The following RIN3 variants were observed in gnomAD, a reference collection of about 807,000 sequenced individuals.
RIN3 encodes the protein RAB5 interacting protein 3.
RIN3 carries 54 observed loss-of-function variants against 76.3 expected under a neutral mutation model. The ratio of observed to expected loss-of-function variants is 0.71; its 90% CI spans 0.57 to 0.89. RIN3 has a LOEUF of 0.89. Ranked by LOEUF, RIN3 falls within the 40% of genes least tolerant of loss-of-function variation. The pLI is 0.00. For missense variants in RIN3, 1,256 were observed against 1,322.1 expected (o/e 0.95, Z 0.78); for synonymous variants, 576 against 564.0 (o/e 1.02, Z -0.30).
chr14:92,674,139 C>T (rs1300805151), intron 7 of RIN3, among the ~76,000 whole-genome samples: 2 of 152,212 alleles, frequency 1.3e-5, no homozygotes, highest in African/African-American at 4.8e-5. Context: ...TCCTCGGGCA[C>T]CTCGTTCTCC....
Position 92,577,266 on chromosome 14 carries a change from G to GT in RIN3, c.250-94_250-93insT. 7 of 798,008 alleles carry GT rather than the reference G, an allele frequency of 8.8e-6. No homozygotes were observed. The Admixed American group carries it at 9.8e-5, about 11-fold the overall frequency. The allele number at this position is 798,008 out of a possible 1,614,324, so 49.4% of individuals were successfully genotyped here. A position where few individuals can be genotyped will look rare whatever the true frequency, so the allele number is the denominator to read the frequency against. On this transcript the variant is annotated intron_variant, in intron 2 of 9. Transcript: ENST00000216487. ...CTCCCTAGCCTGCCTCATCATTTCA[G>GT]GAACCTTCCAGATGACTTCCATCTC...
In RIN3 at chr14:92,568,285, G is replaced by A. The variant is rs1288214303; in HGVS notation, c.250-9075G>A. Among the ~76,000 whole-genome samples the A allele has an allele frequency of 2.0e-5, 3 of 152,190 alleles. No individual in the cohort carries two copies. Among genetic ancestry groups the A allele is most frequent in the Non-Finnish European group, 2.9e-5 (2 of 68,026 alleles). ...CCATCATGGGCAACATCCCCTTGGAGTATGACCTGGGGACACTCGATCAGC... is the reference window on the plus strand; with the variant it reads ...CCATCATGGGCAACATCCCCTTGGAATATGACCTGGGGACACTCGATCAGC... On this transcript the variant is annotated intron_variant, in intron 2 of 9. Transcript: ENST00000216487. The surrounding 1 kb of genome is among the most constrained non-coding windows in gnomAD (Gnocchi z 4.2).
Position 92,664,348 on chromosome 14 carries a change from T to TTTTC in RIN3, c.2335+4895_2335+4898dup, listed in dbSNP as rs1167000441. 2.9e-3 allele frequency among the ~76,000 whole-genome samples: 401 copies of TTTTC among 140,666 alleles called. 2 individuals carry two copies. Among genetic ancestry groups the TTTTC allele is most frequent in the Middle Eastern group, 0.011 (3 of 266 alleles). The allele number at this position is 140,666 out of a possible 152,430, so 92.3% of individuals were successfully genotyped here. A position where few individuals can be genotyped will look rare whatever the true frequency, so the allele number is the denominator to read the frequency against. On this transcript the variant is annotated intron_variant, in intron 7 of 9. Transcript: ENST00000216487. ...ACATTCAACCCCCTCCGCTTCATCA[T>TTTTC]TTTCTTTCTTTCTTTCTTTTTTTTT...
chr14:92,560,833 A>G (rs1278042504), intron 2 of RIN3, among the ~76,000 whole-genome samples: 2 of 151,372 alleles, frequency 1.3e-5, no homozygotes. Context: ...AGCCTGGTCA[A>G]CATGATGAAA....
At chr14:92,554,609 A>G (rs971634620) in intron 1 of RIN3, among the ~76,000 whole-genome samples, 5 of 152,226 alleles carry the variant, frequency 3.3e-5, no homozygotes, top group Non-Finnish European at 7.3e-5. Flanking sequence ...ATAATATTTT[A>G]TTTAACCTGA....
intron 4 of RIN3, 122 bp downstream of exon 4, chr14:92,615,601 A>G: frequency 3.6e-6 from 3 of 822,068 alleles, no homozygotes; most frequent in Non-Finnish European, 6.3e-6. Flanking sequence ...CAGAGGATGC[A>G]GAGAGAGGGC....
intron 7 of RIN3, among the ~76,000 whole-genome samples, chr14:92,672,522 A>G (rs1318702734): frequency 1.3e-5 from 2 of 152,234 alleles, no homozygotes; most frequent in Non-Finnish European, 1.5e-5. Flanking sequence ...AAGGAACACA[A>G]GACCTCCTGG....
chr14:92,545,935 T>TCTTTTCTTTG (rs56166336), intron 1 of RIN3, among the ~76,000 whole-genome samples: 80 of 112,238 alleles, frequency 7.1e-4, no homozygotes, highest in Non-Finnish European at 1.1e-3. Flanking sequence ...CTTTTCTTTG[T>TCTTTTCTTTG]TTTTTTTTGA....
intron 7 of RIN3, among the ~76,000 whole-genome samples, chr14:92,664,447 A>G (rs1363481957): frequency 1.0e-4 from 14 of 140,080 alleles, no homozygotes; most frequent in Non-Finnish European, 9.0e-5. Context: ...GGCTCACTGC[A>G]AACTCCGCCT....
rs1294702325 is a variant in RIN3, at chr14:92,546,953, T to A, written c.45-8798T>A. Among the ~76,000 whole-genome samples, 3 of 150,882 alleles carry A rather than the reference T, an allele frequency of 2.0e-5. No individual in the cohort carries two copies. The East Asian group carries it at 5.8e-4, about 29-fold the overall frequency. On this transcript the variant is annotated intron_variant, in intron 1 of 9. Coordinates refer to ENST00000216487, the MANE Select transcript of RIN3 (RefSeq NM_024832.5). ...GGGCCAGGTATTACCAGCTCCATTG[T>A]ACAAATAAGAAACTGTTTATTTAAA...
At chr14:92,641,615 C>T (rs911013923) in intron 5 of RIN3, among the ~76,000 whole-genome samples, 3 of 152,176 alleles carry the variant, frequency 2.0e-5, no homozygotes, top group African/African-American at 7.2e-5. Flanking sequence ...TGGGAGAAGC[C>T]GAGCTTTACC....
intron 3 of RIN3, among the ~76,000 whole-genome samples, chr14:92,581,221 C>T (rs753387355): frequency 5.3e-5 from 8 of 152,140 alleles, no homozygotes; most frequent in East Asian, 1.9e-4. Flanking sequence ...ACACAGCCCC[C>T]GGCTGTGCTT....
chr14:92,605,144 C>T (rs1405580055), intron 3 of RIN3, among the ~76,000 whole-genome samples: 3 of 152,020 alleles, frequency 2.0e-5, no homozygotes, highest in African/African-American at 7.3e-5. Flanking sequence ...TACCTGAGTT[C>T]AAGGGATCCA....
intron 4 of RIN3, among the ~76,000 whole-genome samples, chr14:92,621,010 C>T (rs530020207): frequency 4.6e-5 from 7 of 152,134 alleles, no homozygotes; most frequent in African/African-American, 9.6e-5. Context: ...ATTGCTGGGC[C>T]GGGCACGGTT....
chr14:92,545,129 A>C (rs1340087566), intron 1 of RIN3, among the ~76,000 whole-genome samples: 1 of 42,396 alleles, frequency 2.4e-5, no homozygotes, highest in Non-Finnish European at 4.1e-5. Context: ...TTTTTTTTTG[A>C]GACGGAGTCT....
chr14:92,545,170 C>T (rs1183366918), intron 1 of RIN3, among the ~76,000 whole-genome samples: 1 of 137,848 alleles, frequency 7.3e-6, no homozygotes, highest in Non-Finnish European at 1.5e-5. Flanking sequence ...AGTGCAGTGG[C>T]ACAGTCTCCA....
chr14:92,581,306 G>A (rs1041606532), intron 3 of RIN3, among the ~76,000 whole-genome samples: 1 of 152,174 alleles, frequency 6.6e-6, no homozygotes, highest in Non-Finnish European at 1.5e-5. Flanking sequence ...GTACAGACCT[G>A]TCTCTTACTA....
At chr14:92,610,676 G>A (rs1226656167) in intron 3 of RIN3, among the ~76,000 whole-genome samples, 1 of 152,180 alleles carries the variant, frequency 6.6e-6, no homozygotes, top group African/African-American at 2.4e-5. Context: ...TCTAGAGCTG[G>A]ACTCTGGAGC....
At chr14:92,674,232 G>C (rs1455989304) in intron 7 of RIN3, among the ~76,000 whole-genome samples, 1 of 152,178 alleles carries the variant, frequency 6.6e-6, no homozygotes, top group Non-Finnish European at 1.5e-5. Context: ...TTTGAACCCA[G>C]GTCTGGGGTT....
Sources: gnomAD v4.1 joint callset for allele counts (sites outside exome capture counted in the v4.1 genomes callset) on GRCh38, gnomAD v4.1.1 for gene constraint, Gnocchi (gnomAD v3.1) non-coding constraint, MANE v1.5 for transcripts, NCBI Gene and HGNC (gene_info 2026-07-23, HGNC 2026-07-21) for gene names.